CDC42BPA: variants seen among roughly 807,000 people sequenced by gnomAD.
CDC42BPA encodes serine/threonine-protein kinase MRCK alpha.
A neutral mutation model predicts 223.5 loss-of-function variants in CDC42BPA; 80 were observed. The ratio of observed to expected loss-of-function variants is 0.36; its 90% confidence interval spans 0.30 to 0.43. The LOEUF (loss-of-function observed/expected upper bound fraction) is 0.43, where lower values mean the gene tolerates loss of function less well. Ranked by LOEUF, CDC42BPA falls within the 20% of genes least tolerant of loss-of-function variation. The pLI is 1.00. For synonymous variants in CDC42BPA, 694 were observed against 718.6 expected (o/e 0.97, Z 0.55); for missense variants, 1,743 against 2,099.9 (o/e 0.83, Z 3.32).
intron 10 of CDC42BPA, among the ~76,000 whole-genome samples, chr1:227,135,735 T>A (rs1571892368): frequency 6.6e-6 from 1 of 151,612 alleles, no homozygotes; most frequent in Non-Finnish European, 1.5e-5. Context: ...GTGCCTGTAG[T>A]CCCAGTTACT....
chr1:227,043,248 A>G (rs572681448), intron 23 of CDC42BPA, among the ~76,000 whole-genome samples: 1 of 152,186 alleles, frequency 6.6e-6, no homozygotes, highest in African/African-American at 2.4e-5. Context: ...CCCCGTCTCT[A>G]TTAAAAATAC....
chr1:227,274,999 T>C (rs1408074720), intron 1 of CDC42BPA, among the ~76,000 whole-genome samples: 1 of 152,184 alleles, frequency 6.6e-6, no homozygotes, highest in East Asian at 1.9e-4. Flanking sequence ...CCTGTCTCAG[T>C]AATTGATAAG....
chr1:227,064,017 C>T (rs1220882148), intron 21 of CDC42BPA, among the ~76,000 whole-genome samples: 1 of 152,170 alleles, frequency 6.6e-6, no homozygotes, highest in Non-Finnish European at 1.5e-5. Flanking sequence ...CAGAACTCAG[C>T]CTGCCAATGT....
At position 227,119,844 on chromosome 1, in the gene CDC42BPA, T is replaced by C; in HGVS notation, c.1607A>G (p.Gln536Arg). The C allele has an allele frequency of 6.3e-7, 1 of 1,598,790 alleles. No individual in the cohort carries two copies. Among genetic ancestry groups the C allele is most frequent in the Non-Finnish European group, 8.5e-7 (1 of 1,170,598 alleles). The change falls in exon 12 of 37, where the codon CAA becomes CGA. Residue 536 changes from glutamine (Q) to arginine (R), a missense_variant. Around this residue, in one of 6 missense-constraint regions of CDC42BPA, gnomAD observed 464 missense variants for 488.0 expected, o/e 0.95. Coordinates refer to ENST00000366766, the MANE Select transcript of CDC42BPA (RefSeq NM_001394014.1). ...TCTTTCTTGTTGTAACGTTTTGATT[T>C]GTTTTTCATAAGCCTTGATTTGTCT... ...AFRQIKAYEK[Q>R]IKTLQQERED... is the part of the protein sequence containing the mutation.
chr1:227,126,520 G>GAAGGAAGGAAGC (rs1689670340), intron 11 of CDC42BPA, among the ~76,000 whole-genome samples: 1 of 86,054 alleles, frequency 1.2e-5, no homozygotes. Flanking sequence ...AGGAAGGAAG[G>GAAGGAAGGAAGC]TAAGAAAGGA....
At chr1:227,131,223 A>T (rs76599385) in intron 10 of CDC42BPA, among the ~76,000 whole-genome samples, 8,199 of 152,190 alleles carry the variant, frequency 0.054, 252 homozygotes, top group Non-Finnish European at 0.072. Context: ...TTTTTACCCG[A>T]CATCTATTCA....
At chr1:227,132,050 ACTCT>A (rs34708677) in intron 10 of CDC42BPA, among the ~76,000 whole-genome samples, 11 of 151,782 alleles carry the variant, frequency 7.2e-5, no homozygotes, top group African/African-American at 2.7e-4. Flanking sequence ...AGAGTGTGAA[ACTCT>A]CTCTCATGTG....
chr1:227,256,532 A>G (rs999775286), intron 1 of CDC42BPA, among the ~76,000 whole-genome samples: 2 of 152,048 alleles, frequency 1.3e-5, no homozygotes, highest in African/African-American at 2.4e-5. Flanking sequence ...CACATATGAA[A>G]AGATACTCAA....
intron 32 of CDC42BPA, among the ~76,000 whole-genome samples, chr1:227,021,992 C>T (rs55811522): frequency 0.22 from 33,069 of 151,540 alleles, 3,914 homozygotes; most frequent in African/African-American, 0.27. Context: ...TGCACTCCAG[C>T]CTCGCAACAG....
At chr1:227,108,032 T>C (rs1017962756) in intron 14 of CDC42BPA, among the ~76,000 whole-genome samples, 5 of 151,458 alleles carry the variant, frequency 3.3e-5, no homozygotes, top group African/African-American at 1.2e-4. Flanking sequence ...TTTTGTTGAC[T>C]TCTAACCAAC....
intron 1 of CDC42BPA, among the ~76,000 whole-genome samples, chr1:227,294,547 G>C (rs1690275773): frequency 6.6e-6 from 1 of 151,936 alleles, no homozygotes; most frequent in Non-Finnish European, 1.5e-5. Context: ...CATTTTCAGA[G>C]AGAAAGAAAC....
chr1:227,215,663 C>T (rs1674695566), intron 2 of CDC42BPA, among the ~76,000 whole-genome samples: 1 of 152,080 alleles, frequency 6.6e-6, no homozygotes, highest in Non-Finnish European at 1.5e-5. Flanking sequence ...TGATTATGTG[C>T]CAGGCATTGC....
rs141394822 is a variant in CDC42BPA at position 227,307,413 on chromosome 1, A to G, written c.178+9592T>C. ...ACACAACCAGTTTAAAGGCTCTCAC[A>G]CTACCTACGGTTAAGTATATACCAG... On this transcript the variant is annotated intron_variant, in intron 1 of 36. Transcript: ENST00000366766. Among the ~76,000 whole-genome samples, 7 of 152,336 alleles carry G rather than the reference A, an allele frequency of 4.6e-5. No individual in the cohort carries two copies. The East Asian group carries it at 1.2e-3, about 25-fold the overall frequency.
At chr1:227,119,738 C>T in intron 12 of CDC42BPA, 66 bp downstream of exon 12, 1 of 1,061,972 alleles carries the variant, frequency 9.4e-7, no homozygotes, top group Non-Finnish European at 1.3e-6. Flanking sequence ...TGAATGCTTT[C>T]AGTATTCTTA....
intron 24 of CDC42BPA, among the ~76,000 whole-genome samples, chr1:227,037,523 T>C (rs1216683243): frequency 6.6e-6 from 1 of 152,206 alleles, no homozygotes; most frequent in East Asian, 1.9e-4. Context: ...CCAAACAGAA[T>C]GCACTGCCTT....
chr1:227,287,993 G>A (rs1689072769), intron 1 of CDC42BPA, among the ~76,000 whole-genome samples: 1 of 152,126 alleles, frequency 6.6e-6, no homozygotes, highest in African/African-American at 2.4e-5. Flanking sequence ...TATGTGCTTG[G>A]TTTCCTCCGG....
intron 2 of CDC42BPA, among the ~76,000 whole-genome samples, chr1:227,240,806 A>G (rs1249997850): frequency 6.6e-6 from 1 of 152,008 alleles, no homozygotes; most frequent in East Asian, 1.9e-4. Context: ...AAAAACATAG[A>G]TATCTTTGTG....
chr1:227,014,294 T>G (rs982060917), intron 34 of CDC42BPA, among the ~76,000 whole-genome samples: 1 of 152,096 alleles, frequency 6.6e-6, no homozygotes, highest in Non-Finnish European at 1.5e-5. Context: ...TGTAATCTAG[T>G]TTTTGCACTT....
At chr1:227,153,074 TTGA>T (rs1415857249) in intron 6 of CDC42BPA, among the ~76,000 whole-genome samples, 11 of 151,850 alleles carry the variant, frequency 7.2e-5, no homozygotes, top group Non-Finnish European at 1.5e-4. Context: ...GTGCAAAACA[TTGA>T]TGATTACAAA....
Sources: allele counts gnomAD v4.1 joint callset (sites outside exome capture counted in the v4.1 genomes callset), GRCh38; gene constraint gnomAD v4.1.1; regional missense constraint gnomAD v4.1.1; transcripts MANE v1.5; gene names NCBI Gene and HGNC (gene_info 2026-07-23, HGNC 2026-07-21).